Variants in MAPKAPK3 observed in about 807,000 individuals in gnomAD.
The protein encoded by MAPKAPK3 is MAPK activated protein kinase 3.
In MAPKAPK3, 35 loss-of-function variants were observed where a neutral mutation model predicts 49.2. The ratio of observed to expected loss-of-function variants is 0.71; its 90% confidence interval spans 0.54 to 0.94. The LOEUF (loss-of-function observed/expected upper bound fraction) is 0.94. Ranked by LOEUF, MAPKAPK3 falls within the 40% of genes least tolerant of loss-of-function variation. The pLI is 0.00. For missense variants in MAPKAPK3, 398 were observed against 493.1 expected, an observed-to-expected ratio of 0.81 and a Z score of 1.83; for synonymous variants, 178 against 188.7, an observed-to-expected ratio of 0.94 and a Z score of 0.46.
At chr3:50,618,840 C>T (rs1349517393) in intron 2 of MAPKAPK3, among the ~76,000 whole-genome samples, 1 of 152,206 alleles carries the variant, frequency 6.6e-6, no homozygotes, top group African/African-American at 2.4e-5. Flanking sequence ...CAGGCGTGCG[C>T]CACCACGCCC....
chr3:50,629,413 C>T (rs1206605636), intron 2 of MAPKAPK3, among the ~76,000 whole-genome samples: 1 of 152,202 alleles, frequency 6.6e-6, no homozygotes, highest in African/African-American at 2.4e-5. Flanking sequence ...ACTGTTTTCA[C>T]CCATACCATC....
chr3:50,642,380 C>A (rs374582758), intron 5 of MAPKAPK3, 48 bp downstream of exon 5: 25 of 1,388,652 alleles, frequency 1.8e-5, no homozygotes, highest in Non-Finnish European at 2.0e-5. Context: ...AGGATATTGT[C>A]CCACTCCACA....
intron 2 of MAPKAPK3, among the ~76,000 whole-genome samples, chr3:50,633,907 G>T (rs1268122930): frequency 3.3e-5 from 5 of 152,222 alleles, no homozygotes; most frequent in Non-Finnish European, 7.3e-5. Context: ...CCTGTCCTTG[G>T]GTGGAAAGGG....
chr3:50,622,519 AGGCCCAAGGCCT>A lies in MAPKAPK3; in HGVS notation c.219+4739_219+4750del, dbSNP rs2032634388. Among the ~76,000 whole-genome samples, 3 of 152,314 alleles carry A rather than the reference AGGCCCAAGGCCT, an allele frequency of 2.0e-5. No homozygotes were observed. In the East Asian group the frequency reaches 5.8e-4, roughly 29 times the overall value. Reference sequence around the variant, plus strand: ...GATTCAAAGCTCTTTTATAGCACCTAGGCCCAAGGCCTGGCATATATCAGAGATTCATGAATG... The same window carrying A: ...GATTCAAAGCTCTTTTATAGCACCTAGGCATATATCAGAGATTCATGAATG... On this transcript the variant is annotated intron_variant, in intron 2 of 10. Transcript: ENST00000621469.
At chr3:50,622,104 C>A (rs1264656635) in intron 2 of MAPKAPK3, among the ~76,000 whole-genome samples, 1 of 152,200 alleles carries the variant, frequency 6.6e-6, no homozygotes, top group Non-Finnish European at 1.5e-5. Flanking sequence ...CCCCTTGATG[C>A]CAGTTGGCTT....
At chr3:50,622,163 C>T (rs1559483219) in intron 2 of MAPKAPK3, among the ~76,000 whole-genome samples, 1 of 152,196 alleles carries the variant, frequency 6.6e-6, no homozygotes, top group Non-Finnish European at 1.5e-5. Flanking sequence ...TGCCTCAAAG[C>T]ACAACACAGA....
At chr3:50,647,370 G>A (rs2033328864) in intron 10 of MAPKAPK3, among the ~76,000 whole-genome samples, 167 bp downstream of exon 10, 1 of 152,198 alleles carries the variant, frequency 6.6e-6, no homozygotes, top group African/African-American at 2.4e-5. Context: ...CAAGGATTGG[G>A]CCTCACTACG....
chr3:50,644,325 G>A (rs538767483), intron 5 of MAPKAPK3, 84 bp from the exon 6 acceptor site: 23 of 1,523,294 alleles, frequency 1.5e-5, no homozygotes, highest in South Asian at 1.2e-4. Context: ...GGATGGAGTC[G>A]GGGAGTCTGG....
intron 8 of MAPKAPK3, 45 bp downstream of exon 8, chr3:50,646,309 G>A (rs1005893428): frequency 4.3e-6 from 7 of 1,609,824 alleles, no homozygotes; most frequent in African/African-American, 2.7e-5. Flanking sequence ...TGGCCCCTGC[G>A]GCTTTCATTC....
rs570399761 is a variant in MAPKAPK3 at position 50,620,999 on chromosome 3, C to T, written c.219+3215C>T. The stretch of plus-strand genomic sequence containing the variant: ...CACATCCAAGATCCAGTCCTTCAAA[C>T]TTTATCACATACATGAAAATTGGGA... On this transcript the variant is annotated intron_variant, in intron 2 of 10. Transcript: ENST00000621469. 2.6e-5 allele frequency among the ~76,000 whole-genome samples: 4 copies of T among 152,372 alleles called. No homozygotes were observed. In the East Asian group the frequency reaches 7.7e-4, roughly 29 times the overall value.
intron 2 of MAPKAPK3, among the ~76,000 whole-genome samples, chr3:50,625,060 C>T (rs1433239356): frequency 6.6e-6 from 1 of 152,196 alleles, no homozygotes; most frequent in Non-Finnish European, 1.5e-5. Context: ...CTTTCTGTGA[C>T]ATTCTCCCCA....
chr3:50,647,083 G>A (rs745760696), intron 9 of MAPKAPK3, 40 bp from the exon 10 acceptor site: 2 of 1,498,696 alleles, frequency 1.3e-6, no homozygotes, highest in East Asian at 2.4e-5. Flanking sequence ...TGTCCCAGGT[G>A]CCTCCAGTTT....
chr3:50,612,373 C>T (rs2032357239), upstream of MAPKAPK3: 2 of 152,016 alleles, frequency 1.3e-5, no homozygotes, highest in African/African-American at 4.8e-5. Flanking sequence ...GCTCCTGGAC[C>T]CTAGGACTCT....
chr3:50,647,928 T>C lies in MAPKAPK3; in HGVS notation c.1031T>C (p.Val344Ala). The C allele has an allele frequency of 1.2e-6, 2 of 1,613,870 alleles. No homozygotes were observed. Among genetic ancestry groups the C allele is most frequent in the Non-Finnish European group, 1.7e-6 (2 of 1,179,944 alleles). Residue 344 changes from valine to alanine, a missense_variant, in exon 11 of 11, where the codon GTA becomes GCA. By Grantham distance (64) the Val-to-Ala change is moderately conservative (BLOSUM62 0). Coordinates refer to ENST00000621469, the MANE Select transcript of MAPKAPK3 (RefSeq NM_001243925.2). ...EMTSALATMR[V>A]DYDQVKIKDL... is the part of the protein sequence containing the mutation. Reference sequence around the variant, plus strand: ...ACCAGTGCCTTGGCCACTATGCGGGTAGACTACGACCAGGTGAAGATCAAG... The same window carrying C: ...ACCAGTGCCTTGGCCACTATGCGGGCAGACTACGACCAGGTGAAGATCAAG...
intron 8 of MAPKAPK3, 45 bp downstream of exon 8, chr3:50,646,309 G>T: frequency 6.2e-7 from 1 of 1,609,824 alleles, no homozygotes; most frequent in Middle Eastern, 1.7e-4. Context: ...TGGCCCCTGC[G>T]GCTTTCATTC....
In MAPKAPK3 at chr3:50,644,595, A is replaced by G; in HGVS notation, c.628+63A>G. On this transcript the variant is annotated intron_variant, in intron 6 of 10. Transcript: ENST00000621469. ...AACTTATACAGCTGTATTATGGGGT[A>G]GCCAGTGGGTTGCAGAAACCAAAGG... The G allele has an allele frequency of 2.6e-6, 4 of 1,560,012 alleles. No homozygotes were observed. In the South Asian group the frequency reaches 4.6e-5, roughly 18 times the overall value.
Position 50,620,730 on chromosome 3 carries a change from T to G in MAPKAPK3, c.219+2946T>G, listed in dbSNP as rs543833008. 5.3e-5 allele frequency among the ~76,000 whole-genome samples: 8 copies of G among 152,320 alleles called. No homozygotes were observed. The South Asian group carries it at 1.7e-3, about 32-fold the overall frequency. On this transcript the variant is annotated intron_variant, in intron 2 of 10. Transcript: ENST00000621469. ...CAGTGGCTCCCTCCCAAGGCTACCT[T>G]CTGCTGCCAGTGCAGCCATTCTACT...
intron 2 of MAPKAPK3, among the ~76,000 whole-genome samples, chr3:50,624,404 T>C (rs2032684364): frequency 6.6e-6 from 1 of 152,128 alleles, no homozygotes; most frequent in Admixed American, 6.5e-5. Context: ...TCTGGCAGGA[T>C]GTGGTTGACC....
intron 8 of MAPKAPK3, 72 bp from the exon 9 acceptor site, chr3:50,646,668 T>C: frequency 1.5e-6 from 2 of 1,347,340 alleles, no homozygotes; most frequent in Non-Finnish European, 2.1e-6. Context: ...GCAGAGCTTG[T>C]GGTCTGTGGG....
Sources: allele counts gnomAD v4.1 joint callset (sites outside exome capture counted in the v4.1 genomes callset), GRCh38; gene constraint gnomAD v4.1.1; transcripts MANE v1.5; gene names NCBI Gene and HGNC (gene_info 2026-07-23, HGNC 2026-07-21).